Variants in CRPPA observed in about 807,000 individuals in gnomAD.
CRPPA encodes the protein CDP-L-ribitol pyrophosphorylase A.
A neutral mutation model predicts 52.0 loss-of-function variants in CRPPA; 43 were observed. That is an observed-to-expected ratio of 0.83 (90% confidence interval 0.65 to 1.07). The LOEUF (loss-of-function observed/expected upper bound fraction) is 1.07, where lower values mean the gene tolerates loss of function less well. CRPPA is among the 50% of genes least tolerant of loss of function. The probability of loss-of-function intolerance (pLI) is 0.00; values close to 1 mark genes in which losing one functional copy is unlikely to be tolerated. For missense variants in CRPPA, 629 were observed against 551.7 expected (o/e 1.14, Z -1.40); for synonymous variants, 250 against 203.5 (o/e 1.23, Z -1.94).
At chr7:16,343,191 T>C (rs1052420302) in intron 3 of CRPPA, among the ~76,000 whole-genome samples, 3 of 152,052 alleles carry the variant, frequency 2.0e-5, no homozygotes, top group Non-Finnish European at 4.4e-5. Flanking sequence ...TTTGGAAAAA[T>C]GATCAAAATC....
intron 8 of CRPPA, among the ~76,000 whole-genome samples, chr7:16,250,425 G>C (rs536151202): frequency 1.3e-5 from 2 of 152,234 alleles, no homozygotes; most frequent in Admixed American, 1.3e-4. Context: ...AGAATCGTCA[G>C]ACTGATCAAG....
In CRPPA at chr7:16,089,631, A is replaced by G. The variant is rs889964851; in HGVS notation, c.*2064T>C. 2 of 204,454 alleles carry G rather than the reference A, an allele frequency of 9.8e-6. No individual in the cohort carries two copies. Among genetic ancestry groups the G allele is most frequent in the African/African-American group, 4.5e-5 (2 of 44,066 alleles). The allele number at this position is 204,454 out of a possible 1,614,324, so 12.7% of individuals were successfully genotyped here. ...GGTATACATACATGTATATGTATGT[A>G]TGTATTTTTTTTTCCCAATGCTGTG... On this transcript the variant is annotated 3_prime_UTR_variant, in exon 10 of 10. Coordinates refer to ENST00000407010, the MANE Select transcript of CRPPA (RefSeq NM_001101426.4).
chr7:16,289,694 CTA>C (rs1450542486), intron 5 of CRPPA, among the ~76,000 whole-genome samples: 1 of 152,052 alleles, frequency 6.6e-6, no homozygotes, highest in Admixed American at 6.6e-5. Flanking sequence ...ACAATAAAAG[CTA>C]TATGTGATAA....
chr7:16,228,277 G>A (rs1028788486), intron 8 of CRPPA, among the ~76,000 whole-genome samples: 9 of 151,602 alleles, frequency 5.9e-5, no homozygotes, highest in Non-Finnish European at 8.9e-5. Flanking sequence ...TCTTAGTTTC[G>A]TAGATCTATT....
At chr7:16,154,114 C>T (rs570489917) in intron 9 of CRPPA, among the ~76,000 whole-genome samples, 8 of 151,076 alleles carry the variant, frequency 5.3e-5, no homozygotes, top group Admixed American at 3.3e-4. Flanking sequence ...ACGTTAGCAG[C>T]GGTTGTGGCC....
intron 9 of CRPPA, among the ~76,000 whole-genome samples, chr7:16,147,320 C>A (rs1438944131): frequency 6.6e-6 from 1 of 152,206 alleles, no homozygotes; most frequent in Admixed American, 6.5e-5. Context: ...GAACGCATTT[C>A]CCTGATGCAG....
intron 3 of CRPPA, among the ~76,000 whole-genome samples, chr7:16,325,931 G>A (rs1354935029): frequency 2.6e-5 from 4 of 151,918 alleles, no homozygotes; most frequent in African/African-American, 9.7e-5. Context: ...ACACAATAAA[G>A]GGATAAGCTA....
rs773043069 is a variant in CRPPA, at chr7:16,406,273, T to C, written c.322A>G (p.Ile108Val). 5.0e-6 allele frequency: 8 copies of C among 1,613,914 alleles called. No individual in the cohort carries two copies. Among genetic ancestry groups the C allele is most frequent in the African/African-American group, 1.3e-5 (1 of 75,062 alleles). The change falls in exon 2 of 10, where the codon ATT (isoleucine) becomes GTT (valine). Residue 108 changes from isoleucine to valine, a missense_variant. Physicochemically the swap from Ile to Val is conservative, Grantham distance 29. Transcript: ENST00000407010. ...CGTTTATGCTGATACTTCTGAATAA[T>C]ACTTTTCATTACTTCCATGTTCTCT... The part of the protein sequence containing the change: ...TGENMEVMKS[I>V]IQKYQHKRIS...
At chr7:16,147,957 T>G (rs974166290) in intron 9 of CRPPA, among the ~76,000 whole-genome samples, 1 of 152,122 alleles carries the variant, frequency 6.6e-6, no homozygotes, top group Non-Finnish European at 1.5e-5. Flanking sequence ...TTTTCAGCCT[T>G]AACAAATTTG....
At chr7:16,115,594 T>C (rs945430787) in intron 9 of CRPPA, among the ~76,000 whole-genome samples, 2 of 152,200 alleles carry the variant, frequency 1.3e-5, no homozygotes, top group African/African-American at 4.8e-5. Flanking sequence ...TCTTGGTTTC[T>C]AAATACCAAT....
At chr7:16,167,202 A>T (rs573232192) in intron 9 of CRPPA, among the ~76,000 whole-genome samples, 1 of 152,178 alleles carries the variant, frequency 6.6e-6, no homozygotes, top group Non-Finnish European at 1.5e-5. Flanking sequence ...CTGGGATTAC[A>T]GGCGTGAGCC....
intron 9 of CRPPA, among the ~76,000 whole-genome samples, chr7:16,204,096 TCA>T (rs1357599684): frequency 1.3e-5 from 2 of 152,200 alleles, no homozygotes; most frequent in Non-Finnish European, 2.9e-5. Flanking sequence ...TTAAAAATTG[TCA>T]CTCTAATCAC....
intron 1 of CRPPA, among the ~76,000 whole-genome samples, chr7:16,416,185 T>C (rs1788186377): frequency 6.6e-6 from 1 of 152,146 alleles, no homozygotes; most frequent in African/African-American, 2.4e-5. Context: ...AACAGCACAG[T>C]ATTGGTACAC....
At chr7:16,298,956 ACT>A (rs1784730361) in intron 5 of CRPPA, among the ~76,000 whole-genome samples, 2 of 152,134 alleles carry the variant, frequency 1.3e-5, no homozygotes, top group South Asian at 4.2e-4. Context: ...TTGTACTGGA[ACT>A]CTACCACTGG....
chr7:16,109,042 G>A (rs1013304649), intron 9 of CRPPA, among the ~76,000 whole-genome samples: 24 of 151,448 alleles, frequency 1.6e-4, no homozygotes, highest in Non-Finnish European at 2.2e-4. Flanking sequence ...AGACAAACTC[G>A]GCCTTAAGTT....
rs973115988 is a variant in CRPPA at position 16,149,403 on chromosome 7, C to G, written c.1252-57604G>C. Reference sequence around the variant, plus strand: ...ATGATAATATTACAGAATGCACTATCTAGAAAAGCGTTCTAGAAAGAAAGG... The same window carrying G: ...ATGATAATATTACAGAATGCACTATGTAGAAAAGCGTTCTAGAAAGAAAGG... On this transcript the variant is annotated intron_variant, in intron 9 of 9. Transcript: ENST00000407010. Among the ~76,000 whole-genome samples the G allele has an allele frequency of 2.0e-5, 3 of 152,134 alleles. 1 individual carries two copies. Among genetic ancestry groups the G allele is most frequent in the Non-Finnish European group, 4.4e-5 (3 of 68,032 alleles).
chr7:16,158,877 T>G (rs1156636593), intron 9 of CRPPA, among the ~76,000 whole-genome samples: 2 of 152,184 alleles, frequency 1.3e-5, no homozygotes, highest in African/African-American at 2.4e-5. Flanking sequence ...GTCATGTAAT[T>G]AATCCCTCAT....
At chr7:16,197,453 T>A (rs1222643963) in intron 9 of CRPPA, among the ~76,000 whole-genome samples, 1 of 152,014 alleles carries the variant, frequency 6.6e-6, no homozygotes, top group Non-Finnish European at 1.5e-5. Flanking sequence ...TCCTCTGGCC[T>A]CAGCCTCCAG....
intron 1 of CRPPA, among the ~76,000 whole-genome samples, chr7:16,412,672 TCA>T (rs1212187403): frequency 1.3e-5 from 2 of 152,310 alleles, no homozygotes; most frequent in East Asian, 3.9e-4. Context: ...CTTAAGTACC[TCA>T]CACAGTGTCT....
Sources: gnomAD v4.1 joint callset for allele counts (sites outside exome capture counted in the v4.1 genomes callset) on GRCh38, gnomAD v4.1.1 for gene constraint, MANE v1.5 for transcripts, NCBI Gene and HGNC (gene_info 2026-07-23, HGNC 2026-07-21) for gene names.